Variants in MAML2 observed in about 807,000 individuals in gnomAD.
The protein encoded by MAML2 is mastermind like transcriptional coactivator 2.
Under a neutral mutation model 96.1 loss-of-function variants are expected in MAML2, and 22 were observed. That is an observed-to-expected ratio of 0.23 (90% CI 0.16 to 0.33). MAML2 has a LOEUF of 0.33. Ranked by LOEUF, MAML2 falls within the 10% of genes least tolerant of loss-of-function variation. The probability of loss-of-function intolerance (pLI) is 1.00; values close to 1 mark genes in which losing one functional copy is unlikely to be tolerated. For synonymous variants in MAML2, 561 were observed against 521.3 expected (o/e 1.08, Z -1.04); for missense variants, 1,367 against 1,392.4 (o/e 0.98, Z 0.29).
At chr11:96,329,535 CAA>C (rs1377077849) in intron 1 of MAML2, among the ~76,000 whole-genome samples, 3 of 152,060 alleles carry the variant, frequency 2.0e-5, no homozygotes. Context: ...TGTGTCATAC[CAA>C]AAGAGGCCTA....
chr11:96,228,209 C>T (rs200663111), intron 1 of MAML2, among the ~76,000 whole-genome samples: 1 of 152,176 alleles, frequency 6.6e-6, no homozygotes, highest in African/African-American at 2.4e-5. Flanking sequence ...TTGGCCACAT[C>T]GGGTTTCCAG....
At chr11:96,227,751 G>C (rs1862235551) in intron 1 of MAML2, among the ~76,000 whole-genome samples, 1 of 152,224 alleles carries the variant, frequency 6.6e-6, no homozygotes, top group Non-Finnish European at 1.5e-5. Context: ...CAGAGAACAA[G>C]TGTTTATTGT....
At chr11:96,027,613 C>T (rs1485473655) in intron 2 of MAML2, among the ~76,000 whole-genome samples, 1 of 152,128 alleles carries the variant, frequency 6.6e-6, no homozygotes, top group Non-Finnish European at 1.5e-5. Flanking sequence ...AGAATGGAGC[C>T]AGGAAGGAAC....
intron 1 of MAML2, among the ~76,000 whole-genome samples, chr11:96,315,813 G>A (rs956731886): frequency 5.9e-5 from 9 of 152,184 alleles, no homozygotes; most frequent in African/African-American, 2.2e-4. Flanking sequence ...TGGCTGTGAG[G>A]AACTATAGGG....
Position 95,979,495 on chromosome 11 carries a change from T to C in MAML2, c.2924A>G (p.Gln975Arg). 6.2e-7 allele frequency: 1 copy of C among 1,613,746 alleles called. No individual in the cohort carries two copies. Among genetic ancestry groups the C allele is most frequent in the Non-Finnish European group, 8.5e-7 (1 of 1,179,796 alleles). The change falls in exon 5 of 5, where the codon CAG (glutamine) becomes CGG (arginine). Residue 975 changes from glutamine to arginine, a missense_variant. Transcript: ENST00000524717. Reference protein sequence around the residue: ...NWASQEGTSKQQEALTSAGVR... With the variant: ...NWASQEGTSKRQEALTSAGVR... ...TCCTGCAGACGTCAGGGCTTCTTGC[T>C]GTTTGCTTGTTCCTTCTTGAGAGGC...
intron 2 of MAML2, among the ~76,000 whole-genome samples, chr11:96,015,303 T>TAATA (rs1320824733): frequency 3.3e-5 from 5 of 151,998 alleles, no homozygotes; most frequent in Non-Finnish European, 7.4e-5. Context: ...GATATAGGAG[T>TAATA]AATATGACGT....
intron 1 of MAML2, among the ~76,000 whole-genome samples, chr11:96,308,213 A>G (rs1162434613): frequency 6.6e-6 from 1 of 152,194 alleles, no homozygotes; most frequent in African/African-American, 2.4e-5. Flanking sequence ...TAAAGAATAT[A>G]AAATACTAAT....
At chr11:96,326,423 C>T (rs988200103) in intron 1 of MAML2, among the ~76,000 whole-genome samples, 8 of 151,140 alleles carry the variant, frequency 5.3e-5, no homozygotes, top group African/African-American at 1.9e-4. Flanking sequence ...AATGCATAAA[C>T]AAGAGGTTAA....
intron 1 of MAML2, among the ~76,000 whole-genome samples, chr11:96,256,787 C>T (rs1257106183): frequency 6.6e-6 from 1 of 152,204 alleles, no homozygotes; most frequent in Admixed American, 6.5e-5. Context: ...TTATTTTACA[C>T]ATCTGAAGCC....
At position 96,329,720 on chromosome 11, in the gene MAML2, G is replaced by A. The variant is rs533185825; in HGVS notation, c.513+11663C>T. On this transcript the variant is annotated intron_variant, in intron 1 of 4. Coordinates refer to ENST00000524717, the MANE Select transcript of MAML2 (RefSeq NM_032427.4). ...CAGTACTCTCATACAGTATCACTAC[G>A]AATAAGTATAGTAAGTAGGTATAAT... 5.3e-5 allele frequency among the ~76,000 whole-genome samples: 8 copies of A among 152,278 alleles called. No individual in the cohort carries two copies. The South Asian group carries it at 6.2e-4, about 12-fold the overall frequency.
chr11:96,066,426 G>A (rs1483199132), intron 2 of MAML2, among the ~76,000 whole-genome samples: 1 of 152,192 alleles, frequency 6.6e-6, no homozygotes, highest in East Asian at 1.9e-4. Flanking sequence ...GTGGCTCAAT[G>A]TGTGTGGGAG....
chr11:96,029,146 G>A (rs894440550), intron 2 of MAML2, among the ~76,000 whole-genome samples: 2 of 149,198 alleles, frequency 1.3e-5, no homozygotes, highest in Non-Finnish European at 1.5e-5. Context: ...ATCTGCTAGG[G>A]AAGTGAAGAG....
chr11:96,139,542 CTT>C (rs10531010), intron 1 of MAML2, among the ~76,000 whole-genome samples: 25,259 of 146,002 alleles, frequency 0.17, 2,593 homozygotes, highest in Non-Finnish European at 0.24. Flanking sequence ...ATAACAGTTC[CTT>C]TTTTTTTTTT....
At chr11:96,083,221 T>C (rs898666930) in intron 2 of MAML2, among the ~76,000 whole-genome samples, 12 of 152,206 alleles carry the variant, frequency 7.9e-5, no homozygotes, top group African/African-American at 2.7e-4. Flanking sequence ...TTTGATTCAC[T>C]GACATTCAAT....
Position 96,189,497 on chromosome 11 carries a change from G to C in MAML2, c.514-95980C>G, listed in dbSNP as rs896875301. Among the ~76,000 whole-genome samples the C allele has an allele frequency of 2.0e-5, 3 of 152,160 alleles. No individual in the cohort carries two copies. The East Asian group carries it at 5.8e-4, about 29-fold the overall frequency. The stretch of plus-strand genomic sequence containing the variant: ...GCGGGATAGACTAGAAAGAAAAGTA[G>C]TCTCTTACCACTATGACTAATTTCA... On this transcript the variant is annotated intron_variant, in intron 1 of 4. Coordinates refer to ENST00000524717, the MANE Select transcript of MAML2 (RefSeq NM_032427.4).
chr11:96,277,764 T>A (rs7129179), intron 1 of MAML2, among the ~76,000 whole-genome samples: 151,043 of 151,044 alleles, frequency 1, 75,521 homozygotes, highest in Non-Finnish European at 1. Context: ...ATTAGAACTT[T>A]CTAAAATAAT....
chr11:96,083,404 C>T (rs1437969661), intron 2 of MAML2, among the ~76,000 whole-genome samples: 3 of 152,162 alleles, frequency 2.0e-5, no homozygotes, highest in African/African-American at 4.8e-5. Context: ...ATGATTTCCC[C>T]AGCATATAGG....
At chr11:96,206,077 T>C (rs1429306279) in intron 1 of MAML2, among the ~76,000 whole-genome samples, 1 of 152,200 alleles carries the variant, frequency 6.6e-6, no homozygotes, top group East Asian at 1.9e-4. Flanking sequence ...TTGACTCTTT[T>C]TTTTTTTTAA....
intron 1 of MAML2, among the ~76,000 whole-genome samples, chr11:96,253,621 C>T (rs147364168): frequency 1.4e-3 from 209 of 152,292 alleles, no homozygotes; most frequent in Non-Finnish European, 2.0e-3. Flanking sequence ...TCTTCTGAGG[C>T]GCATTTATCT....
Sources: allele counts gnomAD v4.1 joint callset (sites outside exome capture counted in the v4.1 genomes callset), GRCh38; gene constraint gnomAD v4.1.1; transcripts MANE v1.5; gene names NCBI Gene and HGNC (gene_info 2026-07-23, HGNC 2026-07-21).